STAG2: variants seen among roughly 807,000 people sequenced by gnomAD.
STAG2 encodes cohesin subunit SA-2.
A neutral mutation model predicts 108.1 loss-of-function variants in STAG2; 14 were observed. That is an observed-to-expected ratio of 0.13 (90% confidence interval 0.09 to 0.20). The LOEUF is 0.20. STAG2 is among the 10% of genes least tolerant of loss of function. The probability of loss-of-function intolerance (pLI) is 1.00; values close to 1 mark genes in which losing one functional copy is unlikely to be tolerated. For synonymous variants in STAG2, 307 were observed against 302.7 expected (o/e 1.01, Z -0.15); for missense variants, 440 against 940.9 (o/e 0.47, Z 6.96).
intron 1 of STAG2, among the ~76,000 whole-genome samples, chrX:123,992,559 G>A (rs2055534702): frequency 1.8e-5 from 2 of 109,988 alleles, no homozygotes; most frequent in Non-Finnish European, 3.8e-5. Flanking sequence ...TTTTCTTGGA[G>A]ACAGGGTCTC....
chrX:124,095,321 G>A (rs2059351625), intron 33 of STAG2, 51 bp from the exon 34 acceptor site: 1 of 1,009,058 alleles, frequency 9.9e-7, no homozygotes, highest in South Asian at 1.9e-5. Context: ...TTACTATCTG[G>A]TTTGTAGATA....
At chrX:124,019,314 C>T (rs2056846306) in intron 1 of STAG2, among the ~76,000 whole-genome samples, 1 of 110,488 alleles carries the variant, frequency 9.1e-6, no homozygotes, top group Non-Finnish European at 1.9e-5. Context: ...CTTGGCCTCC[C>T]AAAGTGCTGG....
At chrX:124,038,205 T>G (rs953480716) in intron 6 of STAG2, among the ~76,000 whole-genome samples, 13 of 111,772 alleles carry the variant, frequency 1.2e-4, no homozygotes, top group African/African-American at 4.2e-4. Context: ...ATTTCTTCCC[T>G]AAGACAGAAG....
intron 5 of STAG2, among the ~76,000 whole-genome samples, chrX:124,036,621 G>A (rs187383216): frequency 2.7e-5 from 3 of 111,088 alleles, no homozygotes; most frequent in African/African-American, 9.8e-5. Flanking sequence ...CAAGTGATCC[G>A]CTGGCTTCAG....
At chrX:124,049,902 C>G (rs1048114662) in intron 10 of STAG2, among the ~76,000 whole-genome samples, 15 of 112,093 alleles carry the variant, frequency 1.3e-4, no homozygotes, top group Non-Finnish European at 2.6e-4. Context: ...ACACCATGCC[C>G]AGCAGGTGTG....
At chrX:124,044,990 T>A (rs2057834226) in intron 7 of STAG2, among the ~76,000 whole-genome samples, 174 bp from the exon 8 acceptor site, 2 of 111,712 alleles carry the variant, frequency 1.8e-5, no homozygotes, top group African/African-American at 6.5e-5. Context: ...GCTGAAGTGT[T>A]CAGAGGTACC....
Position 124,066,405 on chromosome X carries a change from T to TTGC in STAG2, c.2236_2238dup (p.Ala746dup). 1 of 1,208,879 alleles carries TTGC rather than the reference T, an allele frequency of 8.3e-7. No individual in the cohort carries two copies. Among genetic ancestry groups the TTGC allele is most frequent in the Non-Finnish European group, 1.1e-6 (1 of 893,419 alleles). ...ACTCACTATGTAATCCTTTGGCAAC[T>TTGC]TGCTAAGATAACTGAAAGCAGCTCT... On this transcript the variant is annotated inframe_insertion, in exon 23 of 35. Transcript: ENST00000371145.
intron 1 of STAG2, among the ~76,000 whole-genome samples, chrX:124,009,481 CTTCTT>C (rs2056450247): frequency 1.1e-5 from 1 of 89,128 alleles, no homozygotes; most frequent in African/African-American, 3.9e-5. Context: ...ATAGATATCT[CTTCTT>C]ACTGGATCTT....
chrX:124,014,939 G>T (rs2056652256), intron 1 of STAG2, among the ~76,000 whole-genome samples: 1 of 106,228 alleles, frequency 9.4e-6, no homozygotes, highest in Non-Finnish European at 1.9e-5. Flanking sequence ...TTACTACTGG[G>T]CTGAGTACAC....
rs763961074 is a variant in STAG2, at chrX:124,019,996, A to C, written c.-162-1371A>C. 6.2e-5 allele frequency among the ~76,000 whole-genome samples: 7 copies of C among 112,586 alleles called. No homozygotes were observed. The South Asian group carries it at 2.5e-3, about 41-fold the overall frequency. Reference sequence around the variant, plus strand: ...ACATGCGCGCATCTATCTTGTCTTGAGAGATACATCTTACATCTTTGATTT... The same window carrying C: ...ACATGCGCGCATCTATCTTGTCTTGCGAGATACATCTTACATCTTTGATTT... On this transcript the variant is annotated intron_variant, in intron 1 of 34. Coordinates refer to ENST00000371145, the MANE Select transcript of STAG2 (RefSeq NM_001042750.2).
chrX:124,058,082 G>T, intron 15 of STAG2, 105 bp downstream of exon 15: 2 of 316,492 alleles, frequency 6.3e-6, no homozygotes, highest in Non-Finnish European at 5.2e-6. Flanking sequence ...AGTAAATTGT[G>T]AATAGAATGG....
intron 8 of STAG2, among the ~76,000 whole-genome samples, chrX:124,045,603 A>G (rs1164267358): frequency 9.0e-6 from 1 of 111,391 alleles, no homozygotes; most frequent in Non-Finnish European, 1.9e-5. Context: ...TATACTATGC[A>G]TACTGTGCCA....
Position 124,060,250 on chromosome X carries a change from C to T in STAG2, c.1417-974C>T, listed in dbSNP as rs750836037. ...GTTCAAGTGATTCTCCCACCTCAGC[C>T]TCCAGAGTAGCTGGAATTACAGGCA... On this transcript the variant is annotated intron_variant, in intron 15 of 34. Transcript: ENST00000371145. Among the ~76,000 whole-genome samples, 9 of 111,231 alleles carry T rather than the reference C, an allele frequency of 8.1e-5. No homozygotes were observed. In the East Asian group the frequency reaches 2.6e-3, roughly 32 times the overall value.
At chrX:124,070,678 G>A (rs1412154885) in intron 24 of STAG2, among the ~76,000 whole-genome samples, 1 of 111,841 alleles carries the variant, frequency 8.9e-6, no homozygotes, top group Non-Finnish European at 1.9e-5. Flanking sequence ...TAGATTTTGT[G>A]ATCTCTATTC....
chrX:123,975,986 A>G (rs1290995548), intron 1 of STAG2, among the ~76,000 whole-genome samples: 1 of 112,290 alleles, frequency 8.9e-6, no homozygotes, highest in Non-Finnish European at 1.9e-5. Flanking sequence ...CTAAGTTACT[A>G]TGGAAAAATA....
At chrX:124,094,212 T>TTA (rs2059324605) in intron 33 of STAG2, 68 bp downstream of exon 33, 1 of 1,074,371 alleles carries the variant, frequency 9.3e-7, no homozygotes, top group African/African-American at 1.8e-5. Context: ...TGGATATTTA[T>TTA]TAGAGTAGAG....
At chrX:124,062,524 T>C (rs1221107000) in intron 17 of STAG2, among the ~76,000 whole-genome samples, 1 of 112,351 alleles carries the variant, frequency 8.9e-6, no homozygotes, top group African/African-American at 3.2e-5. Flanking sequence ...TTGTTACTTA[T>C]GTGTCATGTC....
chrX:124,005,598 T>C (rs1206787789), intron 1 of STAG2, among the ~76,000 whole-genome samples: 8 of 112,369 alleles, frequency 7.1e-5, no homozygotes, highest in African/African-American at 1.9e-4. Flanking sequence ...TTTGTTTTGT[T>C]TTTGCATTTA....
At chrX:123,992,608 G>A (rs763361071) in intron 1 of STAG2, among the ~76,000 whole-genome samples, 3 of 109,564 alleles carry the variant, frequency 2.7e-5, no homozygotes, top group Non-Finnish European at 5.7e-5. Context: ...GCTCAATCTC[G>A]GCTCACTGAA....
Sources: allele counts gnomAD v4.1 joint callset (sites outside exome capture counted in the v4.1 genomes callset), GRCh38; gene constraint gnomAD v4.1.1; transcripts MANE v1.5; gene names NCBI Gene and HGNC (gene_info 2026-07-23, HGNC 2026-07-21).